The following KIAA1328 variants were observed in gnomAD, a reference collection of about 807,000 sequenced individuals.
KIAA1328 encodes the protein KIAA1328.
A neutral mutation model predicts 68.1 loss-of-function variants in KIAA1328; 52 were observed. The observed-to-expected ratio is 0.76, with a 90% CI of 0.61 to 0.96. The LOEUF is 0.96. Ranked by LOEUF, KIAA1328 falls within the 40% of genes least tolerant of loss-of-function variation. The probability of loss-of-function intolerance (pLI) is 0.00; values close to 1 mark genes in which losing one functional copy is unlikely to be tolerated. For missense variants in KIAA1328, 641 were observed against 677.6 expected (o/e 0.95, Z 0.60); for synonymous variants, 232 against 239.4 (o/e 0.97, Z 0.28).
intron 7 of KIAA1328, among the ~76,000 whole-genome samples, chr18:37,113,843 A>C (rs1358413916): frequency 6.6e-6 from 1 of 152,182 alleles, no homozygotes; most frequent in Non-Finnish European, 1.5e-5. Flanking sequence ...AACAAAAAAA[A>C]GCAGGTGTTG....
intron 6 of KIAA1328, among the ~76,000 whole-genome samples, chr18:37,050,168 G>A (rs1434759194): frequency 6.6e-6 from 1 of 152,020 alleles, no homozygotes; most frequent in East Asian, 1.9e-4. Flanking sequence ...GTCCCTGGGA[G>A]TGCTGCTTGG....
intron 6 of KIAA1328, among the ~76,000 whole-genome samples, chr18:37,054,681 G>T (rs964233371): frequency 6.6e-6 from 1 of 152,164 alleles, no homozygotes; most frequent in African/African-American, 2.4e-5. Flanking sequence ...GAAGAGTGGG[G>T]AAAAGGGTTG....
At chr18:37,170,781 G>C (rs2059485268) in intron 8 of KIAA1328, among the ~76,000 whole-genome samples, 2 of 151,986 alleles carry the variant, frequency 1.3e-5, no homozygotes, top group South Asian at 2.1e-4. Context: ...AGATCACATA[G>C]GCTCTTTATG....
intron 7 of KIAA1328, among the ~76,000 whole-genome samples, chr18:37,141,260 G>A (rs2058758402): frequency 6.6e-6 from 1 of 152,124 alleles, no homozygotes; most frequent in Non-Finnish European, 1.5e-5. Context: ...TCCCTCCAAA[G>A]ATCCCTAGCC....
chr18:37,101,109 C>G (rs1025391614), intron 7 of KIAA1328, among the ~76,000 whole-genome samples: 5 of 152,146 alleles, frequency 3.3e-5, no homozygotes, highest in Non-Finnish European at 5.9e-5. Flanking sequence ...TATCAGAGCG[C>G]CTCTCCTCCT....
chr18:36,999,931 A>T (rs2053527230), intron 6 of KIAA1328, among the ~76,000 whole-genome samples: 1 of 152,148 alleles, frequency 6.6e-6, no homozygotes. Context: ...AAAAACACTA[A>T]GAGAAAAGAA....
chr18:37,015,890 G>A (rs1227229628), intron 6 of KIAA1328, among the ~76,000 whole-genome samples: 3 of 152,124 alleles, frequency 2.0e-5, no homozygotes, highest in African/African-American at 7.2e-5. Flanking sequence ...TCAGTTCCAG[G>A]AGCCTTTTGA....
intron 9 of KIAA1328, chr18:37,193,835 C>G (rs1336396403): frequency 3.4e-6 from 2 of 584,544 alleles, no homozygotes; most frequent in Non-Finnish European, 6.1e-6. Context: ...ATCTCAGTCT[C>G]TCAACCAAGT....
intron 5 of KIAA1328, among the ~76,000 whole-genome samples, chr18:36,909,002 C>T (rs2049325539): frequency 6.6e-6 from 1 of 152,022 alleles, no homozygotes; most frequent in Admixed American, 6.6e-5. Flanking sequence ...TACATTTGGT[C>T]CCAGTTCTTT....
At chr18:36,839,029 A>G (rs965517054) in intron 3 of KIAA1328, among the ~76,000 whole-genome samples, 2 of 152,094 alleles carry the variant, frequency 1.3e-5, no homozygotes, top group African/African-American at 2.4e-5. Context: ...CACCATGCCC[A>G]TCCTACCTTG....
intron 5 of KIAA1328, among the ~76,000 whole-genome samples, chr18:36,931,246 G>C (rs1201041428): frequency 6.6e-6 from 1 of 152,126 alleles, no homozygotes; most frequent in Non-Finnish European, 1.5e-5. Flanking sequence ...ACCAGTACTG[G>C]TTAGTGACCT....
Position 36,835,263 on chromosome 18 carries a change from AG to A in KIAA1328, c.125del (p.Arg42AsnfsTer4). On this transcript the variant is annotated frameshift_variant, in exon 3 of 10. Transcript: ENST00000280020. LOFTEE classifies it high-confidence loss of function. Reference protein sequence around the residue: ...GISAEGNVRSRHKLMSPKADV... With the variant: ...GISAEGNVRSXHKLMSPKADV... ...TTCTGCTGAAGGAAATGTCAGATCA[AG>A]ACACAAGCTGATGAGTCCAAAAGCT... 6.2e-7 allele frequency: 1 copy of A among 1,612,792 alleles called. No individual in the cohort carries two copies. The highest frequency in any genetic ancestry group is 8.5e-7 in the Non-Finnish European group (1 of 1,179,400).
At chr18:37,174,688 G>A (rs1210313552) in intron 9 of KIAA1328, among the ~76,000 whole-genome samples, 2 of 151,820 alleles carry the variant, frequency 1.3e-5, no homozygotes, top group Non-Finnish European at 2.9e-5. Flanking sequence ...CCACCTCCCA[G>A]GTTCACGCCA....
chr18:36,875,381 G>A (rs11876160), intron 4 of KIAA1328, among the ~76,000 whole-genome samples: 61,192 of 151,742 alleles, frequency 0.4, 14,124 homozygotes, highest in African/African-American at 0.63. Flanking sequence ...GAGGTCCTTT[G>A]CAACCCTTGT....
intron 8 of KIAA1328, among the ~76,000 whole-genome samples, chr18:37,171,089 A>G (rs1043425484): frequency 1.3e-5 from 2 of 152,228 alleles, no homozygotes; most frequent in Admixed American, 1.3e-4. Context: ...ATCAAACTCT[A>G]CAGTTAAAAT....
chr18:37,041,672 GTGTGTA>G (rs2055256940), intron 6 of KIAA1328, among the ~76,000 whole-genome samples: 1 of 105,814 alleles, frequency 9.5e-6, no homozygotes, highest in African/African-American at 3.2e-5. Flanking sequence ...GTGTGTGTGT[GTGTGTA>G]TACACATTTT....
intron 7 of KIAA1328, among the ~76,000 whole-genome samples, chr18:37,094,892 A>T (rs1183845277): frequency 6.6e-6 from 1 of 152,146 alleles, no homozygotes; most frequent in African/African-American, 2.4e-5. Flanking sequence ...ATTTCATTTA[A>T]ATGCAAACCA....
At chr18:37,019,467 G>A (rs561099005) in intron 6 of KIAA1328, among the ~76,000 whole-genome samples, 1 of 152,212 alleles carries the variant, frequency 6.6e-6, no homozygotes, top group South Asian at 2.1e-4. Context: ...CAAGAACCAG[G>A]AACAACAGAT....
chr18:37,183,179 G>A (rs1449506523), intron 9 of KIAA1328, among the ~76,000 whole-genome samples: 1 of 151,854 alleles, frequency 6.6e-6, no homozygotes, highest in African/African-American at 2.4e-5. Flanking sequence ...GTTTTTTTTG[G>A]GATATCTGTT....
Sources: gnomAD v4.1 joint callset for allele counts (sites outside exome capture counted in the v4.1 genomes callset) on GRCh38, gnomAD v4.1.1 for gene constraint, MANE v1.5 for transcripts, NCBI Gene and HGNC (gene_info 2026-07-23, HGNC 2026-07-21) for gene names.